The following DMGDH variants were observed in gnomAD, a reference collection of about 807,000 sequenced individuals.
DMGDH encodes dimethylglycine dehydrogenase, mitochondrial.
In DMGDH, 76 loss-of-function variants were observed where a neutral mutation model predicts 95.2. The ratio of observed to expected loss-of-function variants is 0.80; its 90% CI spans 0.66 to 0.97. The LOEUF is 0.97. Among genes scored for constraint, DMGDH ranks in the 50% least tolerant of loss-of-function variants. The pLI is 0.00. For missense variants in DMGDH, 987 were observed against 1,055.0 expected (o/e 0.94, Z 0.89); for synonymous variants, 345 against 377.6 (o/e 0.91, Z 1.00).
At chr5:79,030,387 C>T (rs1223600956) in intron 10 of DMGDH, 25 of 266,270 alleles carry the variant, frequency 9.4e-5, no homozygotes, top group Non-Finnish European at 1.4e-4. Flanking sequence ...TGTGGTGGCT[C>T]ATACCTGTAA....
intron 5 of DMGDH, among the ~76,000 whole-genome samples, chr5:79,048,869 G>T (rs757944435): frequency 2.1e-5 from 3 of 144,174 alleles, no homozygotes; most frequent in Non-Finnish European, 4.6e-5. Context: ...AAGAGAAAAA[G>T]AAAAAAAAAA....
chr5:79,068,411 T>A (rs867145265), intron 1 of DMGDH, among the ~76,000 whole-genome samples: 3 of 152,226 alleles, frequency 2.0e-5, no homozygotes, highest in African/African-American at 4.8e-5. Flanking sequence ...CTGTGAGTTA[T>A]ATAGAGCAAA....
intron 2 of DMGDH, among the ~76,000 whole-genome samples, chr5:79,060,916 CAAA>C (rs59948927): frequency 4.8e-5 from 5 of 103,460 alleles, no homozygotes; most frequent in African/African-American, 7.0e-5. Context: ...GACTCTGTCT[CAAA>C]AAAAAAAAAA....
chr5:79,062,417 T>G (rs1039903485), intron 2 of DMGDH, among the ~76,000 whole-genome samples: 13 of 148,998 alleles, frequency 8.7e-5, no homozygotes, highest in African/African-American at 3.0e-4. Flanking sequence ...GAGCACATAC[T>G]AGATGTCAAA....
chr5:79,024,329 A>T lies in DMGDH; in HGVS notation c.2192T>A (p.Met731Lys). 6.2e-7 allele frequency: 1 copy of T among 1,613,366 alleles called. No homozygotes were observed. ...TTCCAAAGGATTTGTATCACAGTTC[A>T]TCTAAAAAGGAAACACACATTTTAA... ...EKAFRAWGLE[M>K]NCDTNPLEAG... The change falls in exon 14 of 16, where the codon ATG (methionine) becomes AAG (lysine). Residue 731 changes from methionine (M) to lysine (K), a missense_variant and splice_region_variant. Physicochemically the swap from Met to Lys is moderately conservative, Grantham distance 95. Transcript: ENST00000255189.
intron 15 of DMGDH, among the ~76,000 whole-genome samples, chr5:79,002,127 T>A (rs77111050): frequency 1.3e-5 from 2 of 152,198 alleles, no homozygotes; most frequent in African/African-American, 4.8e-5. Flanking sequence ...TCTATCTGAC[T>A]TCCAGAAGAT....
chr5:79,004,577 ACACT>A (rs1364070766), intron 15 of DMGDH, among the ~76,000 whole-genome samples: 1 of 152,180 alleles, frequency 6.6e-6, no homozygotes, highest in African/African-American at 2.4e-5. Context: ...AAACACACCC[ACACT>A]CAGTTTCAAC....
chr5:79,032,193 C>G (rs1015919243), intron 9 of DMGDH, among the ~76,000 whole-genome samples: 1 of 152,178 alleles, frequency 6.6e-6, no homozygotes, highest in Non-Finnish European at 1.5e-5. Context: ...TTCGCTTAAC[C>G]TGGAATGCTA....
intron 14 of DMGDH, among the ~76,000 whole-genome samples, chr5:79,010,628 T>C (rs1292666974): frequency 6.6e-6 from 1 of 152,214 alleles, no homozygotes; most frequent in African/African-American, 2.4e-5. Context: ...CCACTGTCCA[T>C]ACCTCTATCA....
intron 6 of DMGDH, among the ~76,000 whole-genome samples, chr5:79,042,697 A>G (rs1232839001): frequency 6.6e-6 from 1 of 152,220 alleles, no homozygotes; most frequent in Non-Finnish European, 1.5e-5. Context: ...CAAAATCATA[A>G]AAGTTAACCT....
At chr5:79,048,495 G>C (rs1754744375) in intron 5 of DMGDH, among the ~76,000 whole-genome samples, 1 of 152,106 alleles carries the variant, frequency 6.6e-6, no homozygotes, top group Non-Finnish European at 1.5e-5. Context: ...TGGTCTGAGG[G>C]CCTTGCCTGA....
chr5:79,013,613 T>C (rs1753681372), intron 14 of DMGDH, among the ~76,000 whole-genome samples: 1 of 152,186 alleles, frequency 6.6e-6, no homozygotes, highest in Non-Finnish European at 1.5e-5. Context: ...TGCCTGAGAC[T>C]GGGTAATTTA....
chr5:79,045,474 C>T (rs17823642), intron 5 of DMGDH, among the ~76,000 whole-genome samples: 10,481 of 152,268 alleles, frequency 0.069, 487 homozygotes, highest in Middle Eastern at 0.12. Context: ...TAGGGTAAGA[C>T]ATGCCCCAGG....
At chr5:79,069,260 A>G (rs142279283) in intron 1 of DMGDH, among the ~76,000 whole-genome samples, 6 of 152,356 alleles carry the variant, frequency 3.9e-5, no homozygotes, top group African/African-American at 1.4e-4. Flanking sequence ...GTGTTTGCCT[A>G]TGCGTAGACT....
rs1459755487 is a variant in DMGDH at position 79,069,556 on chromosome 5, G to T, written c.65C>A (p.Ser22Tyr). 6.0e-6 allele frequency: 8 copies of T among 1,328,166 alleles called. No individual in the cohort carries two copies. The South Asian group carries it at 1.3e-4, about 21-fold the overall frequency. 82.3% of individuals were successfully genotyped at this position (1,328,166 alleles called of 1,614,324 possible). A position where few individuals can be genotyped will look rare whatever the true frequency, so the allele number is the denominator to read the frequency against. Residue 22 changes from serine to tyrosine, a missense_variant, in exon 1 of 16, where the codon TCC (serine) becomes TAC (tyrosine). Transcript: ENST00000255189. ...LLLRSCPLQG[S>Y]PGRPRSVCGR... ...GCAGACAGAGCGCGGGCGCCCGGGG[G>T]AGCCCTGCAGCGGGCAGCTCCGCAG...
intron 4 of DMGDH, among the ~76,000 whole-genome samples, chr5:79,053,882 A>G (rs558281661): frequency 1.3e-5 from 2 of 152,326 alleles, no homozygotes; most frequent in Middle Eastern, 3.4e-3. Context: ...GCAGTTCTCA[A>G]ACAGAAGGTT....
In DMGDH at chr5:79,063,655, C is replaced by G. The variant is rs770226153; in HGVS notation, c.234G>C (p.Leu78=). ...CAGCCGTGAGCTCTGATTTCTCCAG[C>G]AGGACCACATCTTTCATCCCTGCTT... ...LAKAGMKDVV[L]LEKSELTAGS... Residue 78 remains leucine (L), a synonymous_variant, in exon 2 of 16, where the codon CTG becomes CTC. Transcript: ENST00000255189. The G allele has an allele frequency of 6.2e-7, 1 of 1,614,198 alleles. No homozygotes were observed. The highest frequency in any genetic ancestry group is 1.3e-5 in the African/African-American group (1 of 75,046).
rs1753863567 is a variant in DMGDH at position 79,021,401 on chromosome 5, A to G, written c.2250+2870T>C. The G allele has an allele frequency of 8.5e-6, 10 of 1,181,388 alleles. No individual in the cohort carries two copies. In the South Asian group the frequency reaches 9.7e-5, roughly 11 times the overall value. 73.2% of individuals were successfully genotyped at this position (1,181,388 alleles called of 1,614,324 possible). ...GTGTCTAATCAGCGGTACTTAATAA[A>G]TGTCTACTAGATGAACGGATGAATG... On this transcript the variant is annotated intron_variant, in intron 14 of 15. Transcript: ENST00000255189.
chr5:79,060,018 A>G (rs1292810177), intron 2 of DMGDH, among the ~76,000 whole-genome samples: 1 of 152,264 alleles, frequency 6.6e-6, no homozygotes, highest in African/African-American at 2.4e-5. Flanking sequence ...GGTATACGGA[A>G]GACAAGAGAA....
Sources: allele counts gnomAD v4.1 joint callset (sites outside exome capture counted in the v4.1 genomes callset), GRCh38; gene constraint gnomAD v4.1.1; transcripts MANE v1.5; gene names NCBI Gene and HGNC (gene_info 2026-07-23, HGNC 2026-07-21).